The following SEMA4F variants were observed in gnomAD, a reference collection of about 807,000 sequenced individuals.
The protein encoded by SEMA4F is semaphorin-4F.
SEMA4F carries 51 observed loss-of-function variants against 78.4 expected under a neutral mutation model. The observed-to-expected ratio is 0.65, with a 90% confidence interval of 0.52 to 0.82. The LOEUF (loss-of-function observed/expected upper bound fraction) is 0.82, where lower values mean the gene tolerates loss of function less well. Ranked by LOEUF, SEMA4F falls within the 40% of genes least tolerant of loss-of-function variation. SEMA4F has a pLI of 0.00. For synonymous variants in SEMA4F, 418 were observed against 408.7 expected (o/e 1.02, Z -0.27); for missense variants, 938 against 1,014.4 (o/e 0.92, Z 1.02).
chr2:74,684,364 A>G (rs932235001), downstream of SEMA4F, among the ~76,000 whole-genome samples: 1 of 152,076 alleles, frequency 6.6e-6, no homozygotes, highest in Non-Finnish European at 1.5e-5. Context: ...CTATGATGCG[A>G]TAACAACCCC....
chr2:74,684,219 T>G (rs565082065), downstream of SEMA4F, among the ~76,000 whole-genome samples: 23 of 152,242 alleles, frequency 1.5e-4, 1 homozygote, highest in African/African-American at 5.5e-4. Flanking sequence ...ACCTACAGGA[T>G]TCCAGTCAAC....
chr2:74,674,759 G>A, intron 8 of SEMA4F, 83 bp downstream of exon 8: 1 of 1,562,730 alleles, frequency 6.4e-7, no homozygotes, highest in Admixed American at 1.8e-5. Flanking sequence ...TCTTCCAGAG[G>A]GGGCAGGCTC....
chr2:74,707,822 A>T, the SEMA4F span, among the ~76,000 whole-genome samples: 5 of 152,130 alleles, frequency 3.3e-5, no homozygotes, highest in Non-Finnish European at 7.4e-5. Flanking sequence ...GGGAGACCAA[A>T]GCAACTAGAG....
intron 12 of SEMA4F, among the ~76,000 whole-genome samples, chr2:74,678,100 T>C (rs1294963791): frequency 6.6e-6 from 1 of 152,208 alleles, no homozygotes; most frequent in Non-Finnish European, 1.5e-5. Flanking sequence ...TTTTAGTTTT[T>C]TGGGGGAGAA....
chr2:74,696,970 T>C, the SEMA4F span, among the ~76,000 whole-genome samples: 2 of 152,238 alleles, frequency 1.3e-5, no homozygotes, highest in African/African-American at 2.4e-5. Context: ...ACTTTGTACA[T>C]ATGTCATCTC....
Position 74,657,875 on chromosome 2 carries a change from A to C in SEMA4F, c.380A>C (p.Gln127Pro), listed in dbSNP as rs1386661150. ...CAGGACGAATGTCACAATTTTGTCCAGATTCTCGCCATTGCCAATGCCTCT... is the reference window on the plus strand; with the variant it reads ...CAGGACGAATGTCACAATTTTGTCCCGATTCTCGCCATTGCCAATGCCTCT... ...KKEDECHNFVQILAIANASHL... is the reference protein window; with the variant it reads ...KKEDECHNFVPILAIANASHL... Residue 127 changes from glutamine to proline, a missense_variant, in exon 4 of 14, where the codon CAG becomes CCG. Gln to Pro is a moderately conservative substitution (Grantham distance 76, BLOSUM62 -1). Coordinates refer to ENST00000357877, the MANE Select transcript of SEMA4F (RefSeq NM_004263.5). The C allele has an allele frequency of 6.2e-7, 1 of 1,614,100 alleles. No homozygotes were observed. The highest frequency in any genetic ancestry group is 8.5e-7 in the Non-Finnish European group (1 of 1,180,030).
intron 5 of SEMA4F, among the ~76,000 whole-genome samples, chr2:74,665,464 C>T (rs1011640800): frequency 5.0e-4 from 76 of 152,050 alleles, no homozygotes; most frequent in African/African-American, 1.7e-3. Flanking sequence ...CTCCTGACCT[C>T]GTGATCTGCC....
At chr2:74,688,491 C>T (rs892667428), downstream of SEMA4F, among the ~76,000 whole-genome samples, 2 of 151,772 alleles carry the variant, frequency 1.3e-5, no homozygotes, top group African/African-American at 4.8e-5. Context: ...GCTAACATTA[C>T]AAGGGAAATG....
chr2:74,654,978 C>G lies in SEMA4F; in HGVS notation c.145+457C>G, dbSNP rs112504613. ...CCACTCTGCTTTCAGACCCATCAGT[C>G]TTTCATTCTACTCCAGCTTTCCATT... On this transcript the variant is annotated intron_variant, in intron 1 of 13. Coordinates refer to ENST00000357877, the MANE Select transcript of SEMA4F (RefSeq NM_004263.5). Among the ~76,000 whole-genome samples the G allele has an allele frequency of 7.6e-3, 1,157 of 152,302 alleles. 12 individuals carry two copies. Among genetic ancestry groups the G allele is most frequent in the African/African-American group, 0.026 (1,068 of 41,560 alleles).
At chr2:74,687,385 G>A (rs1358500649), downstream of SEMA4F, among the ~76,000 whole-genome samples, 2 of 152,206 alleles carry the variant, frequency 1.3e-5, no homozygotes, top group African/African-American at 2.4e-5. Flanking sequence ...TCTCAGCATA[G>A]CATATCATCA....
the SEMA4F span, among the ~76,000 whole-genome samples, chr2:74,695,003 GT>G: frequency 1.3e-5 from 2 of 152,212 alleles, no homozygotes; most frequent in African/African-American, 4.8e-5. Flanking sequence ...ATGTGCAGGT[GT>G]TTTTGTGGAT....
chr2:74,656,640 C>T lies in SEMA4F; in HGVS notation c.252C>T (p.Thr84=), dbSNP rs1323562590. The part of the protein sequence containing the change: ...SHTLYVGARD[T]IFALSLPFSG... ...CACTTTATGTTGGCGCCCGGGACAC[C>T]ATCTTCGCTTTATCCCTGCCCTTCT... The change falls in exon 2 of 14, where the codon ACC becomes ACT. Residue 84 remains threonine (T), a synonymous_variant. Coordinates refer to ENST00000357877, the MANE Select transcript of SEMA4F (RefSeq NM_004263.5). The T allele has an allele frequency of 4.3e-6, 7 of 1,614,152 alleles. No homozygotes were observed.
the SEMA4F span, among the ~76,000 whole-genome samples, chr2:74,703,525 T>G: frequency 6.6e-6 from 1 of 152,222 alleles, no homozygotes; most frequent in African/African-American, 2.4e-5. Context: ...CGTTAGCTGC[T>G]GGGAAGCAGC....
chr2:74,706,311 C>G, the SEMA4F span, among the ~76,000 whole-genome samples: 1 of 152,090 alleles, frequency 6.6e-6, no homozygotes, highest in African/African-American at 2.4e-5. Context: ...AAGAACTTAT[C>G]GATATTCATA....
intron 4 of SEMA4F, among the ~76,000 whole-genome samples, chr2:74,661,655 C>T (rs751170608): frequency 6.6e-6 from 1 of 152,138 alleles, no homozygotes; most frequent in Non-Finnish European, 1.5e-5. Context: ...CCCAGCATTC[C>T]GTTTTTGGGG....
chr2:74,694,909 G>A, the SEMA4F span, among the ~76,000 whole-genome samples: 1 of 152,202 alleles, frequency 6.6e-6, no homozygotes, highest in African/African-American at 2.4e-5. Flanking sequence ...ATGTGCTGCA[G>A]TTTATTTATC....
In SEMA4F at chr2:74,673,010, C is replaced by T. The variant is rs371664343; in HGVS notation, c.551-447C>T. Among the ~76,000 whole-genome samples, 5 of 152,270 alleles carry T rather than the reference C, an allele frequency of 3.3e-5. No homozygotes were observed. In the East Asian group the frequency reaches 5.8e-4, roughly 18 times the overall value. ...TCGTGACTTGTTCCAAAGCAGTGTA[C>T]GCCCACTAATGTTCAGAAAGAACAT... is the stretch of plus-strand genomic sequence containing the variant. On this transcript the variant is annotated intron_variant, in intron 5 of 13. Transcript: ENST00000357877.
chr2:74,670,245 A>C (rs1419835159), intron 5 of SEMA4F, among the ~76,000 whole-genome samples: 1 of 152,200 alleles, frequency 6.6e-6, no homozygotes, highest in Non-Finnish European at 1.5e-5. Flanking sequence ...GTGGACTCCT[A>C]TGCTCAATAT....
chr2:74,670,723 G>A (rs1684941341), intron 5 of SEMA4F, among the ~76,000 whole-genome samples: 1 of 152,210 alleles, frequency 6.6e-6, no homozygotes, highest in Non-Finnish European at 1.5e-5. Context: ...CATGCTCTTA[G>A]GGAACATTTT....
Sources: gnomAD v4.1 joint callset for allele counts (sites outside exome capture counted in the v4.1 genomes callset) on GRCh38, gnomAD v4.1.1 for gene constraint, MANE v1.5 for transcripts, NCBI Gene and HGNC (gene_info 2026-07-23, HGNC 2026-07-21) for gene names.